Variants in HAUS3 observed in about 807,000 individuals in gnomAD.
HAUS3 encodes HAUS augmin like complex subunit 3, also known as HAUS augmin-like complex subunit 3.
Under a neutral mutation model 55.2 loss-of-function variants are expected in HAUS3, and 36 were observed. The ratio of observed to expected loss-of-function variants is 0.65; its 90% CI spans 0.50 to 0.86. The LOEUF is 0.86. HAUS3 is among the 40% of genes least tolerant of loss of function. The probability of loss-of-function intolerance (pLI) is 0.00; values close to 1 mark genes in which losing one functional copy is unlikely to be tolerated. For missense variants in HAUS3, 752 were observed against 671.5 expected (o/e 1.12, Z -1.33); for synonymous variants, 234 against 238.6 (o/e 0.98, Z 0.18).
At chr4:2,239,425 G>A (rs1006721264) in intron 3 of HAUS3, among the ~76,000 whole-genome samples, 3 of 152,258 alleles carry the variant, frequency 2.0e-5, no homozygotes, top group Admixed American at 6.5e-5. Flanking sequence ...GCACTTCTAC[G>A]TAATTATTGG....
At position 2,228,966 on chromosome 4, in the gene HAUS3, G is replaced by T; in HGVS notation, c.*2961C>A. 2.5e-6 allele frequency: 2 copies of T among 801,764 alleles called. No homozygotes were observed. The highest frequency in any genetic ancestry group is 3.9e-6 in the Non-Finnish European group (2 of 518,498). The allele number at this position is 801,764 out of a possible 1,614,324, so 49.7% of individuals were successfully genotyped here. A position where few individuals can be genotyped will look rare whatever the true frequency, so the allele number is the denominator to read the frequency against. On this transcript the variant is annotated 3_prime_UTR_variant, in exon 6 of 6. Coordinates refer to ENST00000443786, the MANE Select transcript of HAUS3 (RefSeq NM_001303143.2). ...AAGTTAGCAAGCAGAAGCTCAGTCT[G>T]CACTGAATGAGTGTAAAAGGGGCGG...
chr4:2,240,847 C>T lies in HAUS3; in HGVS notation c.100G>A (p.Val34Ile), dbSNP rs751711226. 3 of 1,613,168 alleles carry T rather than the reference C, an allele frequency of 1.9e-6. No homozygotes were observed. The highest frequency in any genetic ancestry group is 1.6e-4 in the Middle Eastern group (1 of 6,084). ...CACTTCAGAAACGATTCATCTTCAA[C>T]GCCCTCAAACAACCAGTCAAAGTCT... ...GEDFDWLFEG[V>I]EDESFLKWFC... Residue 34 changes from valine to isoleucine, a missense_variant, in exon 3 of 6, where the codon GTT (valine) becomes ATT (isoleucine). By Grantham distance (29) the Val-to-Ile change is conservative. Coordinates refer to ENST00000443786, the MANE Select transcript of HAUS3 (RefSeq NM_001303143.2).
rs564784470 is a variant in HAUS3, at chr4:2,228,510, TGTATTTTTA to T, written c.*3408_*3416del. The T allele has an allele frequency of 6.6e-4, 130 of 196,134 alleles. 1 individual carries two copies. Among genetic ancestry groups the T allele is most frequent in the South Asian group, 5.0e-3 (88 of 17,774 alleles). The allele number at this position is 196,134 out of a possible 1,614,324, so 12.1% of individuals were successfully genotyped here. On this transcript the variant is annotated 3_prime_UTR_variant, in exon 6 of 6. Transcript: ENST00000443786. ...CTACCACCACTCCCAGCTAATTTTT[TGTATTTTTA>T]GTAGAGACAGTGTTTTACCGTGTTA...
rs1163829815 is a variant in HAUS3, at chr4:2,242,117, G to A, written c.-485C>T. On this transcript the variant is annotated 5_prime_UTR_variant, in exon 1 of 6. Coordinates refer to ENST00000443786, the MANE Select transcript of HAUS3 (RefSeq NM_001303143.2). ...CCGCCCTCCGTGCCCCGCGCGCCTC[G>A]CACTGCCTCACGGGAGCGCCTGGAC... The A allele has an allele frequency of 4.1e-6, 4 of 985,820 alleles. No individual in the cohort carries two copies. The highest frequency in any genetic ancestry group is 4.8e-6 in the Non-Finnish European group (4 of 830,200). The allele number at this position is 985,820 out of a possible 1,614,324, so 61.1% of individuals were successfully genotyped here.
In HAUS3 at chr4:2,229,160, A is replaced by C. The variant is rs1368137211; in HGVS notation, c.*2767T>G. The stretch of plus-strand genomic sequence containing the variant: ...AATCACCTGAATGCATAGCAGACAT[A>C]ATCTTCTGAGCAACACTGGAGAGCG... On this transcript the variant is annotated 3_prime_UTR_variant, in exon 6 of 6. Coordinates refer to ENST00000443786, the MANE Select transcript of HAUS3 (RefSeq NM_001303143.2). 6.2e-7 allele frequency: 1 copy of C among 1,610,764 alleles called. No individual in the cohort carries two copies. The highest frequency in any genetic ancestry group is 1.3e-5 in the African/African-American group (1 of 74,848).
At chr4:2,232,860 CAA>C (rs1000495893) in intron 5 of HAUS3, among the ~76,000 whole-genome samples, 1 of 152,064 alleles carries the variant, frequency 6.6e-6, no homozygotes, top group Non-Finnish European at 1.5e-5. Context: ...CCAGTATCAC[CAA>C]AGAGGTTCTC....
rs34062934 is a variant in HAUS3, at chr4:2,229,695, A to T, written c.*2232T>A. On this transcript the variant is annotated 3_prime_UTR_variant, in exon 6 of 6. Coordinates refer to ENST00000443786, the MANE Select transcript of HAUS3 (RefSeq NM_001303143.2). ...CAAAAAATTAACCAGGCATGGTGGC[A>T]CCTGTAATCCCAGCTACTCGGGAGG... The T allele has an allele frequency of 1.2e-3, 189 of 152,302 alleles. 8 individuals carry two copies. The East Asian group carries it at 0.029, about 23-fold the overall frequency. 9.4% of individuals were successfully genotyped at this position (152,302 alleles called of 1,614,324 possible).
At chr4:2,236,526 C>T (rs1407014094) in intron 4 of HAUS3, 70 bp from the exon 5 acceptor site, 2 of 1,083,334 alleles carry the variant, frequency 1.8e-6, no homozygotes, top group Non-Finnish European at 2.8e-6. Context: ...TTACAATCCA[C>T]TGTATTGGGG....
At position 2,229,408 on chromosome 4, in the gene HAUS3, G is replaced by A. The variant is rs1407199752; in HGVS notation, c.*2519C>T. ...AATCATCCAATAATATAGATAGAAA[G>A]AAAAAAGCAAAATAGCTAGAGGCTT... On this transcript the variant is annotated 3_prime_UTR_variant, in exon 6 of 6. Transcript: ENST00000443786. 2 of 522,226 alleles carry A rather than the reference G, an allele frequency of 3.8e-6. No individual in the cohort carries two copies. The highest frequency in any genetic ancestry group is 2.0e-5 in the African/African-American group (1 of 48,896). The allele number at this position is 522,226 out of a possible 1,614,324, so 32.3% of individuals were successfully genotyped here.
rs184431090 is a variant in HAUS3, at chr4:2,237,402, C to T, written c.1350-946G>A. ...AGTGAGCTATCATCACATCACTGCA[C>T]TCCTACCTAGGCAAGAGAGTGAGAC... On this transcript the variant is annotated intron_variant, in intron 4 of 5. Transcript: ENST00000443786. Among the ~76,000 whole-genome samples the T allele has an allele frequency of 6.7e-4, 101 of 151,232 alleles. 1 individual carries two copies. The highest frequency in any genetic ancestry group is 6.8e-3 in the Middle Eastern group (2 of 292).
chr4:2,236,497 G>A, intron 4 of HAUS3, 41 bp from the exon 5 acceptor site: 1 of 1,382,530 alleles, frequency 7.2e-7, no homozygotes, highest in Non-Finnish European at 1.0e-6. Context: ...AAATTATCAA[G>A]TCAGTATCAT....
At position 2,230,479 on chromosome 4, in the gene HAUS3, A is replaced by C. The variant is rs1377973927; in HGVS notation, c.*1448T>G. The C allele has an allele frequency of 2.6e-5, 4 of 152,200 alleles. No individual in the cohort carries two copies. The highest frequency in any genetic ancestry group is 9.7e-5 in the African/African-American group (4 of 41,446). The allele number at this position is 152,200 out of a possible 1,614,324, so 9.4% of individuals were successfully genotyped here. On this transcript the variant is annotated 3_prime_UTR_variant, in exon 6 of 6. Transcript: ENST00000443786. ...TAGAAAAAAACATATACAACAAAAA[A>C]AAAGTTGCTCAGGTGATAGGGAGCT...
In HAUS3 at chr4:2,231,597, CA is replaced by C. The variant is rs532732466; in HGVS notation, c.*329del. On this transcript the variant is annotated 3_prime_UTR_variant, in exon 6 of 6. Transcript: ENST00000443786. ...CTGGAGACAGAGTGAGACTCTATCT[CA>C]AAAAAAAATTTAACGGCAGAAAATT... 9.6e-4 allele frequency: 166 copies of C among 172,564 alleles called. No homozygotes were observed. Among genetic ancestry groups the C allele is most frequent in the South Asian group, 1.5e-3 (11 of 7,370 alleles). 10.7% of individuals were successfully genotyped at this position (172,564 alleles called of 1,614,324 possible).
In HAUS3 at chr4:2,230,353, A is replaced by G. The variant is rs1179218020; in HGVS notation, c.*1574T>C. The G allele has an allele frequency of 2.0e-5, 3 of 152,162 alleles. No individual in the cohort carries two copies. Among genetic ancestry groups the G allele is most frequent in the African/African-American group, 7.2e-5 (3 of 41,440 alleles). The allele number at this position is 152,162 out of a possible 1,614,324, so 9.4% of individuals were successfully genotyped here. On this transcript the variant is annotated 3_prime_UTR_variant, in exon 6 of 6. Coordinates refer to ENST00000443786, the MANE Select transcript of HAUS3 (RefSeq NM_001303143.2). ...ACATCTAAATATGTGACACTAATTTAAACAGAATATGCTACCATAAACCAG... is the reference window on the plus strand; with the variant it reads ...ACATCTAAATATGTGACACTAATTTGAACAGAATATGCTACCATAAACCAG...
chr4:2,236,328 G>C lies in HAUS3; in HGVS notation c.1478C>G (p.Ala493Gly). The C allele has an allele frequency of 1.9e-6, 3 of 1,613,136 alleles. No individual in the cohort carries two copies. Among genetic ancestry groups the C allele is most frequent in the Non-Finnish European group, 2.5e-6 (3 of 1,179,232 alleles). The change falls in exon 5 of 6, where the codon GCT becomes GGT. Residue 493 changes from alanine (A) to glycine (G), a missense_variant. Physicochemically the swap from Ala to Gly is moderately conservative, Grantham distance 60. Transcript: ENST00000443786. ...GGACAGAAAGAAAGAATGTTCTTGA[G>C]CAGATACTGCCAACTGATCTTGTAC... ...SLVQDQLAVS[A>G]QEHSFFLSKR...
In HAUS3 at chr4:2,232,109, G is replaced by T. The variant is rs1259110981; in HGVS notation, c.1630C>A (p.His544Asn). Residue 544 changes from histidine (H) to asparagine (N), a missense_variant, in exon 6 of 6, where the codon CAT (histidine) becomes AAT (asparagine). By Grantham distance (68) the His-to-Asn change is moderately conservative. Transcript: ENST00000443786. ...KVESQLNKLN[H>N]LLTDILADVK... ...TCAGCAAGAATATCAGTGAGGAGATGATTTAGCTTATTCAGTTGAGATTCA... is the reference window on the plus strand; with the variant it reads ...TCAGCAAGAATATCAGTGAGGAGATTATTTAGCTTATTCAGTTGAGATTCA... The T allele has an allele frequency of 1.9e-6, 3 of 1,598,268 alleles. No homozygotes were observed. The highest frequency in any genetic ancestry group is 2.6e-6 in the Non-Finnish European group (3 of 1,174,116).
chr4:2,240,236 A>G lies in HAUS3; in HGVS notation c.711T>C (p.Asn237=), dbSNP rs368559954. The change falls in exon 3 of 6, where the codon AAT becomes AAC. Residue 237 remains asparagine (N), a synonymous_variant. Transcript: ENST00000443786. The stretch of plus-strand genomic sequence containing the variant: ...GTGTCTGTATATCTAAAAGTTGAAA[A>G]TTGTCTTCATTTGAACTTTCAACTA... ...HEVVESSNED[N]FQLLDIQTPS... is the part of the protein sequence containing the mutation. 3.7e-6 allele frequency: 6 copies of G among 1,613,594 alleles called. No homozygotes were observed. In the African/African-American group the frequency reaches 6.7e-5, roughly 18 times the overall value.
chr4:2,242,040 G>A lies in HAUS3; in HGVS notation c.-419+11C>T. The A allele has an allele frequency of 2.0e-6, 2 of 985,592 alleles. No individual in the cohort carries two copies. Among genetic ancestry groups the A allele is most frequent in the Non-Finnish European group, 2.4e-6 (2 of 830,042 alleles). 61.1% of individuals were successfully genotyped at this position (985,592 alleles called of 1,614,324 possible). ...ACCCCTGCGCCCAGAACCGAGGCCC[G>A]CGTCAGTCACCTCAGGAAGTTCCGC... On this transcript the variant is annotated intron_variant, in intron 1 of 5. Coordinates refer to ENST00000443786, the MANE Select transcript of HAUS3 (RefSeq NM_001303143.2).
chr4:2,240,252 C>T lies in HAUS3; in HGVS notation c.695G>A (p.Ser232Asn). The stretch of plus-strand genomic sequence containing the variant: ...AAGTTGAAAATTGTCTTCATTTGAA[C>T]TTTCAACTACTTCATGTATACCCTG... ...FFQGIHEVVESSNEDNFQLLD... is the reference protein window; with the variant it reads ...FFQGIHEVVENSNEDNFQLLD... Residue 232 changes from serine to asparagine, a missense_variant, in exon 3 of 6, where the codon AGT (serine) becomes AAT (asparagine). By Grantham distance (46) the Ser-to-Asn change is conservative. Transcript: ENST00000443786. 1.2e-6 allele frequency: 2 copies of T among 1,613,660 alleles called. No individual in the cohort carries two copies. The highest frequency in any genetic ancestry group is 1.7e-6 in the Non-Finnish European group (2 of 1,179,694).
Sources: allele counts gnomAD v4.1 joint callset (sites outside exome capture counted in the v4.1 genomes callset), GRCh38; gene constraint gnomAD v4.1.1; transcripts MANE v1.5; gene names NCBI Gene and HGNC (gene_info 2026-07-23, HGNC 2026-07-21).